GRIN2A: variants seen among roughly 807,000 people sequenced by gnomAD.
GRIN2A encodes glutamate receptor ionotropic, NMDA 2A.
A neutral mutation model predicts 113.4 loss-of-function variants in GRIN2A; 22 were observed. The observed-to-expected ratio is 0.19, with a 90% CI of 0.14 to 0.28. The LOEUF (loss-of-function observed/expected upper bound fraction) is 0.28. GRIN2A is among the 10% of genes least tolerant of loss of function. The pLI is 1.00. For missense variants in GRIN2A, 1,502 were observed against 1,887.0 expected, an observed-to-expected ratio of 0.80 and a Z score of 3.78; for synonymous variants, 827 against 738.4, an observed-to-expected ratio of 1.12 and a Z score of -1.94.
chr16:9,755,723 C>G lies in GRIN2A; in HGVS notation c.*7426G>C, dbSNP rs192615115. 1 of 209,872 alleles carries G rather than the reference C, an allele frequency of 4.8e-6. No homozygotes were observed. The highest frequency in any genetic ancestry group is 7.0e-5 in the East Asian group (1 of 14,234). 13.0% of individuals were successfully genotyped at this position (209,872 alleles called of 1,614,324 possible). On this transcript the variant is annotated 3_prime_UTR_variant, in exon 13 of 13. Coordinates refer to ENST00000330684, the MANE Select transcript of GRIN2A (RefSeq NM_001134407.3). ...GGGCATGCCTGCAGGATATGTTAAA[C>G]ATTAGGCCATTCTGGGTACCTATAA...
At chr16:9,998,416 A>C (rs1191673382) in intron 2 of GRIN2A, among the ~76,000 whole-genome samples, 2 of 152,208 alleles carry the variant, frequency 1.3e-5, no homozygotes, top group Admixed American at 6.6e-5. Flanking sequence ...GTGAATACTT[A>C]ATAGATACAG....
At chr16:10,164,115 C>G (rs1188408949) in intron 2 of GRIN2A, among the ~76,000 whole-genome samples, 1 of 152,200 alleles carries the variant, frequency 6.6e-6, no homozygotes, top group African/African-American at 2.4e-5. Flanking sequence ...TTTGATCATT[C>G]TTGAGTGCAT....
chr16:10,102,404 C>T (rs1049785868), intron 2 of GRIN2A, among the ~76,000 whole-genome samples: 2 of 152,344 alleles, frequency 1.3e-5, no homozygotes, highest in Non-Finnish European at 2.9e-5. Flanking sequence ...TGATTGGAAG[C>T]CTCCTGAGGC....
chr16:10,071,943 G>C (rs1015382451), intron 2 of GRIN2A, among the ~76,000 whole-genome samples: 9 of 152,250 alleles, frequency 5.9e-5, no homozygotes, highest in African/African-American at 1.9e-4. Flanking sequence ...AAGGTGGGTA[G>C]GTTGCCCACC....
At chr16:10,105,960 A>G (rs1488679997) in intron 2 of GRIN2A, among the ~76,000 whole-genome samples, 1 of 135,026 alleles carries the variant, frequency 7.4e-6, no homozygotes, top group East Asian at 2.3e-4. Context: ...AAACATATAT[A>G]TGCAAAGGTA....
chr16:9,946,181 G>A (rs1346940373), intron 2 of GRIN2A, among the ~76,000 whole-genome samples: 2 of 152,184 alleles, frequency 1.3e-5, no homozygotes, highest in African/African-American at 4.8e-5. Context: ...GTTATGCAAG[G>A]AAACAGCAAA....
At chr16:10,078,094 T>C (rs950777297) in intron 2 of GRIN2A, among the ~76,000 whole-genome samples, 3 of 152,242 alleles carry the variant, frequency 2.0e-5, no homozygotes, top group African/African-American at 7.2e-5. Context: ...TCAGCACTCA[T>C]CCAGCTGTGC....
chr16:9,799,411 G>T (rs958760969), intron 10 of GRIN2A, among the ~76,000 whole-genome samples: 4 of 152,190 alleles, frequency 2.6e-5, no homozygotes, highest in African/African-American at 9.6e-5. Context: ...TGGAGCCTTC[G>T]GTGGAAGCGT....
At chr16:10,113,987 CA>C (rs1486159563) in intron 2 of GRIN2A, among the ~76,000 whole-genome samples, 1 of 151,274 alleles carries the variant, frequency 6.6e-6, no homozygotes, top group Non-Finnish European at 1.5e-5. Flanking sequence ...AGTTCAAGAC[CA>C]ACCTGGATAA....
chr16:10,129,306 T>A (rs1337867059), intron 2 of GRIN2A, among the ~76,000 whole-genome samples: 1 of 152,112 alleles, frequency 6.6e-6, no homozygotes, highest in African/African-American at 2.4e-5. Flanking sequence ...ATAACTCTCT[T>A]AAGATATAGA....
chr16:9,842,254 A>G (rs1407687887), intron 5 of GRIN2A, among the ~76,000 whole-genome samples: 1 of 151,046 alleles, frequency 6.6e-6, no homozygotes, highest in East Asian at 1.9e-4. Context: ...TCTGTCTCCA[A>G]AAAAAAAAGA....
At chr16:10,104,549 A>G (rs145141266) in intron 2 of GRIN2A, among the ~76,000 whole-genome samples, 5 of 152,216 alleles carry the variant, frequency 3.3e-5, no homozygotes, top group African/African-American at 1.2e-4. Context: ...ACTCTTGCAT[A>G]TGGAAAGCTT....
chr16:9,850,045 T>C (rs1378058818), intron 4 of GRIN2A, 84 bp from the exon 5 acceptor site: 1 of 1,162,020 alleles, frequency 8.6e-7, no homozygotes, highest in African/African-American at 1.5e-5. Flanking sequence ...GCCAGAGACA[T>C]CCATCCGTCT....
chr16:10,094,470 A>G (rs181165308), intron 2 of GRIN2A, among the ~76,000 whole-genome samples: 22 of 150,534 alleles, frequency 1.5e-4, no homozygotes, highest in Admixed American at 1.4e-3. Context: ...TTTTTTTGAG[A>G]TGGAATCTCG....
intron 2 of GRIN2A, among the ~76,000 whole-genome samples, chr16:10,132,623 A>AC: frequency 6.6e-6 from 1 of 152,346 alleles, no homozygotes; most frequent in African/African-American, 2.4e-5. Context: ...TCCCAGAGCC[A>AC]CCACTAACTA....
At chr16:10,039,920 C>A (rs901183244) in intron 2 of GRIN2A, among the ~76,000 whole-genome samples, 1 of 146,346 alleles carries the variant, frequency 6.8e-6, no homozygotes, top group East Asian at 2.1e-4. Flanking sequence ...ACACTCACAG[C>A]GCACATGCAA....
intron 10 of GRIN2A, among the ~76,000 whole-genome samples, chr16:9,807,689 T>C (rs1405533920): frequency 6.6e-6 from 1 of 152,100 alleles, no homozygotes; most frequent in Non-Finnish European, 1.5e-5. Flanking sequence ...CTCCGCCCAA[T>C]TTTTCCAGAC....
chr16:10,038,070 C>T (rs1050052508), intron 2 of GRIN2A, among the ~76,000 whole-genome samples: 16 of 145,260 alleles, frequency 1.1e-4, no homozygotes, highest in African/African-American at 2.3e-4. Context: ...ATAAACTGCG[C>T]GTAAAAACAA....
intron 2 of GRIN2A, among the ~76,000 whole-genome samples, chr16:9,984,912 C>A (rs189291514): frequency 2.6e-5 from 4 of 152,268 alleles, no homozygotes; most frequent in African/African-American, 9.6e-5. Flanking sequence ...CTGCTGCTAT[C>A]TTCCAGATTT....
Sources: gnomAD v4.1 joint callset for allele counts (sites outside exome capture counted in the v4.1 genomes callset) on GRCh38, gnomAD v4.1.1 for gene constraint, MANE v1.5 for transcripts, NCBI Gene and HGNC (gene_info 2026-07-23, HGNC 2026-07-21) for gene names.